Variants in DPYSL3 observed in about 807,000 individuals in gnomAD.
DPYSL3 encodes dihydropyrimidinase-related protein 3.
In DPYSL3, 16 loss-of-function variants were observed where a neutral mutation model predicts 66.1. The ratio of observed to expected loss-of-function variants is 0.24; its 90% CI spans 0.16 to 0.37. The LOEUF (loss-of-function observed/expected upper bound fraction) is 0.37. DPYSL3 is among the 10% of genes least tolerant of loss of function. DPYSL3 has a pLI of 1.00. For synonymous variants in DPYSL3, 338 were observed against 345.1 expected, an observed-to-expected ratio of 0.98 and a Z score of 0.23; for missense variants, 738 against 916.2, an observed-to-expected ratio of 0.81 and a Z score of 2.51.
intron 1 of DPYSL3, among the ~76,000 whole-genome samples, chr5:147,467,146 G>C (rs988271173): frequency 6.6e-6 from 1 of 152,056 alleles, no homozygotes; most frequent in Admixed American, 6.5e-5. Flanking sequence ...ATAAACATAA[G>C]AGGCAAAAAA....
At chr5:147,398,690 G>T (rs535003145) in intron 11 of DPYSL3, among the ~76,000 whole-genome samples, 43 of 152,230 alleles carry the variant, frequency 2.8e-4, no homozygotes, top group Non-Finnish European at 5.1e-4. Flanking sequence ...TGCACGCCCT[G>T]ACTTCCGGAA....
intron 1 of DPYSL3, among the ~76,000 whole-genome samples, chr5:147,437,559 G>A (rs1752435249): frequency 6.6e-6 from 1 of 152,190 alleles, no homozygotes; most frequent in Non-Finnish European, 1.5e-5. Flanking sequence ...CAGCTGTGGT[G>A]CTCCAGTCAC....
At chr5:147,445,407 A>G (rs1485856039) in intron 1 of DPYSL3, among the ~76,000 whole-genome samples, 3 of 152,236 alleles carry the variant, frequency 2.0e-5, no homozygotes, top group Non-Finnish European at 2.9e-5. Flanking sequence ...AAGATGTCAA[A>G]GGGAAGCTTA....
chr5:147,492,926 C>A (rs957383735), intron 1 of DPYSL3, among the ~76,000 whole-genome samples: 19 of 152,094 alleles, frequency 1.2e-4, no homozygotes, highest in Non-Finnish European at 1.6e-4. Context: ...CAAGGCTTAA[C>A]TTTATATTAA....
In DPYSL3 at chr5:147,393,479, G is replaced by C. The variant is rs1757875316; in HGVS notation, c.*556C>G. The stretch of plus-strand genomic sequence containing the variant: ...GCCTGCCTTCTCGGCAGACCCTAGG[G>C]AGCTGTGGTGATGTGACAGCTGCCA... On this transcript the variant is annotated 3_prime_UTR_variant, in exon 14 of 14. Coordinates refer to ENST00000343218, the MANE Select transcript of DPYSL3 (RefSeq NM_001197294.2). The C allele has an allele frequency of 6.5e-6, 1 of 153,106 alleles. No homozygotes were observed. The highest frequency in any genetic ancestry group is 6.5e-5 in the Admixed American group (1 of 15,380). The allele number at this position is 153,106 out of a possible 1,614,324, so 9.5% of individuals were successfully genotyped here.
chr5:147,432,472 C>T (rs1581191291), intron 1 of DPYSL3, among the ~76,000 whole-genome samples: 1 of 152,162 alleles, frequency 6.6e-6, no homozygotes, highest in South Asian at 2.1e-4. Flanking sequence ...TGTGGCCTGC[C>T]CTGGGTCACA....
chr5:147,450,845 T>C (rs1752714656), intron 1 of DPYSL3, among the ~76,000 whole-genome samples: 1 of 152,172 alleles, frequency 6.6e-6, no homozygotes. Context: ...CTTCAGCTAC[T>C]GGGTGGGGCT....
intron 1 of DPYSL3, among the ~76,000 whole-genome samples, chr5:147,426,721 G>A (rs1752205586): frequency 6.6e-6 from 1 of 152,142 alleles, no homozygotes; most frequent in Non-Finnish European, 1.5e-5. Context: ...GCTGACTTCT[G>A]GCTTCAGAAA....
intron 1 of DPYSL3, among the ~76,000 whole-genome samples, chr5:147,432,028 G>T (rs1303882163): frequency 2.6e-5 from 4 of 152,152 alleles, no homozygotes; most frequent in Non-Finnish European, 5.9e-5. Context: ...TTGGCTCCGA[G>T]TCTTCATTGA....
At chr5:147,497,059 A>G (rs1213383793) in intron 1 of DPYSL3, among the ~76,000 whole-genome samples, 3 of 152,256 alleles carry the variant, frequency 2.0e-5, no homozygotes, top group Non-Finnish European at 2.9e-5. Context: ...ACCACGGAAT[A>G]CTATGCAGCC....
At chr5:147,493,348 G>A (rs1481064624) in intron 1 of DPYSL3, among the ~76,000 whole-genome samples, 1 of 152,160 alleles carries the variant, frequency 6.6e-6, no homozygotes, top group African/African-American at 2.4e-5. Flanking sequence ...GGAAGCAGGG[G>A]AATCATTTGA....
chr5:147,437,522 C>T (rs943614918), intron 1 of DPYSL3, among the ~76,000 whole-genome samples: 1 of 152,152 alleles, frequency 6.6e-6, no homozygotes, highest in Non-Finnish European at 1.5e-5. Flanking sequence ...TAAAACTGTC[C>T]GTGGTGTGCA....
At chr5:147,506,094 C>T (rs1282337263) in intron 1 of DPYSL3, among the ~76,000 whole-genome samples, 2 of 152,120 alleles carry the variant, frequency 1.3e-5, no homozygotes, top group African/African-American at 2.4e-5. Flanking sequence ...TATAGGCACA[C>T]AGAAAGTGTT....
At chr5:147,481,528 A>C (rs1753243594) in intron 1 of DPYSL3, among the ~76,000 whole-genome samples, 1 of 152,180 alleles carries the variant, frequency 6.6e-6, no homozygotes, top group Non-Finnish European at 1.5e-5. Context: ...ACACCTCCCA[A>C]GTCTCACAGG....
intron 1 of DPYSL3, among the ~76,000 whole-genome samples, chr5:147,442,887 T>C (rs1434773695): frequency 2.0e-5 from 3 of 152,144 alleles, no homozygotes; most frequent in African/African-American, 7.2e-5. Flanking sequence ...TTTACAGTGG[T>C]TCTCTCTGAG....
chr5:147,404,831 C>T (rs778966187), intron 8 of DPYSL3, among the ~76,000 whole-genome samples: 1 of 152,138 alleles, frequency 6.6e-6, no homozygotes, highest in Non-Finnish European at 1.5e-5. Flanking sequence ...CCACTCAACC[C>T]CTTCTCTAAA....
chr5:147,502,997 C>G, intron 1 of DPYSL3, among the ~76,000 whole-genome samples: 1 of 152,188 alleles, frequency 6.6e-6, no homozygotes, highest in Non-Finnish European at 1.5e-5. Flanking sequence ...GTAAAGAGTG[C>G]TGAGCACTAA....
At chr5:147,478,309 A>G (rs1477738557) in intron 1 of DPYSL3, among the ~76,000 whole-genome samples, 1 of 152,208 alleles carries the variant, frequency 6.6e-6, no homozygotes, top group Non-Finnish European at 1.5e-5. Context: ...AGGCTGGAAC[A>G]TGTAGTTTTT....
intron 13 of DPYSL3, among the ~76,000 whole-genome samples, chr5:147,395,045 C>T (rs1309058022): frequency 6.6e-6 from 1 of 152,208 alleles, no homozygotes; most frequent in Non-Finnish European, 1.5e-5. Flanking sequence ...AGACTAATCA[C>T]ATGGCTAACA....
Sources: allele counts gnomAD v4.1 joint callset (sites outside exome capture counted in the v4.1 genomes callset), GRCh38; gene constraint gnomAD v4.1.1; transcripts MANE v1.5; gene names NCBI Gene and HGNC (gene_info 2026-07-23, HGNC 2026-07-21).